MYH16: variants seen among roughly 807,000 people sequenced by gnomAD.
MYH16 encodes myosin heavy chain 16.
At chr7:99,303,711 A>T (rs1378648713) in intron 39 of MYH16, among the ~76,000 whole-genome samples, 2 of 152,216 alleles carry the variant, frequency 1.3e-5, no homozygotes, top group African/African-American at 2.4e-5. Flanking sequence ...CTGAGACAGG[A>T]GGATCACCTG....
At position 99,277,914 on chromosome 7, in the gene MYH16, T is replaced by A. The variant is rs112267926; in HGVS notation, n.2659+202T>A. Among the ~76,000 whole-genome samples the A allele has an allele frequency of 2.4e-3, 313 of 131,382 alleles. 1 individual carries two copies. Among genetic ancestry groups the A allele is most frequent in the East Asian group, 7.2e-3 (32 of 4,446 alleles). The allele number at this position is 131,382 out of a possible 152,430, so 86.2% of individuals were successfully genotyped here. On this transcript the variant is annotated intron_variant and non_coding_transcript_variant, in intron 21 of 41. Coordinates refer to ENST00000439784, the Ensembl canonical transcript of MYH16. ...GTGTGTGTGTGTGTGTGTGTGTGTG[T>A]GTGAGAGAGAGAGAGAGAGAGAGAC...
chr7:99,306,397 G>A (rs1339913635), intron 41 of MYH16, among the ~76,000 whole-genome samples: 1 of 151,970 alleles, frequency 6.6e-6, no homozygotes, highest in African/African-American at 2.4e-5. Context: ...GCGTGGTGGC[G>A]GGCACCTTAA....
intron 41 of MYH16, 26 bp from the exon 23 acceptor site, chr7:99,306,583 C>T (rs1431882245): frequency 6.6e-6 from 1 of 152,548 alleles, no homozygotes; most frequent in Non-Finnish European, 1.5e-5. Flanking sequence ...GTTTATGCCC[C>T]GTTTCCCGCC....
At chr7:99,281,230 G>T (rs1448364168) in intron 23 of MYH16, among the ~76,000 whole-genome samples, 3 of 152,118 alleles carry the variant, frequency 2.0e-5, no homozygotes, top group African/African-American at 7.2e-5. Context: ...TCCAAACTAG[G>T]ACAGTTTTGA....
chr7:99,276,049 G>A (rs1282956796), intron 20 of MYH16, among the ~76,000 whole-genome samples: 1 of 152,160 alleles, frequency 6.6e-6, no homozygotes, highest in Non-Finnish European at 1.5e-5. Flanking sequence ...TGTTGTTGTT[G>A]TTCTAAATCC....
exon 18 of MYH16, chr7:99,266,934 T>C (rs1791993704): frequency 6.6e-6 from 1 of 152,668 alleles, no homozygotes; most frequent in Non-Finnish European, 1.5e-5. Context: ...CTTGCAGCCA[T>C]TGACCTAGAT....
chr7:99,253,615 C>T (rs1563103278), intron 7 of MYH16: 3 of 152,218 alleles, frequency 2.0e-5, no homozygotes, highest in Non-Finnish European at 4.4e-5. Context: ...GCGTGGGGCT[C>T]ACCACTGGTG....
chr7:99,240,357 C>T (rs1791653092), intron 1 of MYH16, among the ~76,000 whole-genome samples: 1 of 152,096 alleles, frequency 6.6e-6, no homozygotes, highest in Non-Finnish European at 1.5e-5. Flanking sequence ...GAGGCATGAG[C>T]CATTGCACCC....
intron 30 of MYH16, among the ~76,000 whole-genome samples, chr7:99,290,106 C>T (rs1368458964): frequency 6.6e-6 from 1 of 152,184 alleles, no homozygotes; most frequent in Non-Finnish European, 1.5e-5. Context: ...GAATAGTCTA[C>T]AGGTGGGCCT....
intron 29 of MYH16, 69 bp from the exon 11 acceptor site, chr7:99,289,218 A>AGGGGAGGT: frequency 4.4e-6 from 1 of 225,724 alleles, no homozygotes; most frequent in Admixed American, 5.3e-5. Context: ...CAAAAATCAA[A>AGGGGAGGT]GGGGAGGTAG....
chr7:99,271,640 T>G (rs186134304), intron 19 of MYH16, among the ~76,000 whole-genome samples: 1 of 152,354 alleles, frequency 6.6e-6, no homozygotes, highest in East Asian at 1.9e-4. Flanking sequence ...TTAGGTTTTA[T>G]GTGATAACTT....
chr7:99,290,417 T>C (rs1042779678), intron 30 of MYH16, among the ~76,000 whole-genome samples: 1 of 148,016 alleles, frequency 6.8e-6, no homozygotes, highest in African/African-American at 2.5e-5. Flanking sequence ...AGCCCAGGAG[T>C]TCAAGGCTGC....
exon 23 of MYH16, chr7:99,280,889 A>C (rs1016886247): frequency 3.7e-5 from 14 of 374,718 alleles, no homozygotes; most frequent in Non-Finnish European, 6.3e-5. Context: ...CTGGATCACA[A>C]GGTCCGTACC....
intron 3 of MYH16, among the ~76,000 whole-genome samples, chr7:99,248,820 C>G (rs1031823823): frequency 6.6e-6 from 1 of 152,186 alleles, no homozygotes; most frequent in African/African-American, 2.4e-5. Context: ...GGGATGGGCA[C>G]GTGGCCACAG....
At chr7:99,295,959 T>G (rs1792483186) in intron 33 of MYH16, among the ~76,000 whole-genome samples, 1 of 149,922 alleles carries the variant, frequency 6.7e-6, no homozygotes, top group Non-Finnish European at 1.5e-5. Context: ...TTGGCCAACA[T>G]GGTGAAACCC....
chr7:99,268,243 G>A (rs1282222431), intron 18 of MYH16, among the ~76,000 whole-genome samples: 2 of 152,220 alleles, frequency 1.3e-5, no homozygotes, highest in Non-Finnish European at 2.9e-5. Flanking sequence ...GGGGACACTT[G>A]AGGTTTGGAG....
chr7:99,293,004 A>AG (rs1279431985), intron 32 of MYH16, among the ~76,000 whole-genome samples: 1 of 150,418 alleles, frequency 6.6e-6, no homozygotes, highest in African/African-American at 2.4e-5. Flanking sequence ...TGAGGAAATA[A>AG]GGGGGGACAT....
intron 21 of MYH16, among the ~76,000 whole-genome samples, chr7:99,278,462 G>A (rs1792149298): frequency 6.6e-6 from 1 of 152,190 alleles, no homozygotes; most frequent in Non-Finnish European, 1.5e-5. Flanking sequence ...AATAAACGAT[G>A]TCATTTCTGT....
chr7:99,279,801 C>A, intron 22 of MYH16, 64 bp downstream of exon 4: 1 of 416,584 alleles, frequency 2.4e-6, no homozygotes, highest in South Asian at 1.7e-5. Context: ...ATACCTAAAG[C>A]CCCTATGGTG....
Sources: allele counts gnomAD v4.1 joint callset (sites outside exome capture counted in the v4.1 genomes callset), GRCh38; gene constraint gnomAD v4.1.1; transcripts MANE v1.5; gene names NCBI Gene and HGNC (gene_info 2026-07-23, HGNC 2026-07-21).